KSR2: variants seen among roughly 807,000 people sequenced by gnomAD.
KSR2 encodes kinase suppressor of ras 2.
Under a neutral mutation model 107.8 loss-of-function variants are expected in KSR2, and 25 were observed. The ratio of observed to expected loss-of-function variants is 0.23; its 90% CI spans 0.17 to 0.32. KSR2 has a LOEUF of 0.32. Among genes scored for constraint, KSR2 ranks in the 10% least tolerant of loss-of-function variants. KSR2 has a pLI of 1.00. For missense variants in KSR2, 887 were observed against 1,268.9 expected, an observed-to-expected ratio of 0.70 and a Z score of 4.57; for synonymous variants, 480 against 507.0, an observed-to-expected ratio of 0.95 and a Z score of 0.71.
At chr12:117,832,737 C>T (rs1414360438) in intron 3 of KSR2, among the ~76,000 whole-genome samples, 1 of 152,250 alleles carries the variant, frequency 6.6e-6, no homozygotes, top group Admixed American at 6.5e-5. Flanking sequence ...TAAGTCATCT[C>T]ACTTCTCCCT....
chr12:117,653,565 T>C (rs1037321642), intron 5 of KSR2, among the ~76,000 whole-genome samples: 1 of 152,224 alleles, frequency 6.6e-6, no homozygotes, highest in South Asian at 2.1e-4. Flanking sequence ...ACGGGACTTA[T>C]TGGTGAGGCA....
chr12:117,939,941 A>AG (rs1491231211), intron 1 of KSR2, among the ~76,000 whole-genome samples: 9 of 102,578 alleles, frequency 8.8e-5, no homozygotes, highest in African/African-American at 2.8e-4. Context: ...ACTCCATCTT[A>AG]AAAACACACA....
intron 14 of KSR2, among the ~76,000 whole-genome samples, chr12:117,507,505 G>A (rs527318769): frequency 6.6e-6 from 1 of 152,300 alleles, no homozygotes; most frequent in Non-Finnish European, 1.5e-5. Flanking sequence ...GACTGGATGG[G>A]GAAGAAAGAG....
intron 1 of KSR2, among the ~76,000 whole-genome samples, chr12:117,914,245 AT>A (rs1172735359): frequency 2.6e-5 from 4 of 152,122 alleles, no homozygotes; most frequent in Admixed American, 6.5e-5. Flanking sequence ...CCTGGTCAAC[AT>A]GGTGAAACCC....
intron 4 of KSR2, among the ~76,000 whole-genome samples, chr12:117,740,687 A>G (rs893728088): frequency 2.1e-5 from 3 of 144,156 alleles, no homozygotes; most frequent in Non-Finnish European, 4.5e-5. Flanking sequence ...ATATACACAC[A>G]CATATACACC....
chr12:117,683,536 G>C (rs1593126987), intron 4 of KSR2, among the ~76,000 whole-genome samples: 1 of 152,278 alleles, frequency 6.6e-6, no homozygotes, highest in East Asian at 1.9e-4. Flanking sequence ...TATATTATAT[G>C]TCTATTGGAA....
chr12:117,493,295 A>T (rs1198548973), intron 14 of KSR2, among the ~76,000 whole-genome samples: 1 of 152,102 alleles, frequency 6.6e-6, no homozygotes, highest in African/African-American at 2.4e-5. Context: ...GATTGCTTCA[A>T]AATGCACAAT....
At chr12:117,518,169 C>T (rs150041880) in intron 14 of KSR2, among the ~76,000 whole-genome samples, 118 of 152,260 alleles carry the variant, frequency 7.7e-4, no homozygotes, top group Middle Eastern at 3.4e-3. Flanking sequence ...CAGTTAACCT[C>T]ACATAACTGA....
At chr12:117,616,428 G>A (rs927777583) in intron 5 of KSR2, among the ~76,000 whole-genome samples, 4 of 152,158 alleles carry the variant, frequency 2.6e-5, no homozygotes, top group Non-Finnish European at 5.9e-5. Flanking sequence ...TACAGAACTT[G>A]GGATGCTGGG....
chr12:117,479,326 A>G (rs1872002322), intron 16 of KSR2, among the ~76,000 whole-genome samples: 1 of 152,156 alleles, frequency 6.6e-6, no homozygotes, highest in African/African-American at 2.4e-5. Context: ...CACCTCCTGC[A>G]CTCCCAGGCT....
intron 4 of KSR2, among the ~76,000 whole-genome samples, chr12:117,760,257 G>A (rs1056171345): frequency 2.0e-5 from 3 of 152,074 alleles, no homozygotes; most frequent in Non-Finnish European, 2.9e-5. Context: ...CCTAATCCTC[G>A]AGTCTCACCC....
chr12:117,541,294 G>A lies in KSR2; in HGVS notation c.1519-1407C>T, dbSNP rs570959166. 7.4e-5 allele frequency among the ~76,000 whole-genome samples: 11 copies of A among 149,188 alleles called. No individual in the cohort carries two copies. The East Asian group carries it at 2.0e-3, about 27-fold the overall frequency. ...TGGAGGCATGGGAGGCAGGGAGGCA[G>A]GCAGGGAGGAACAGTAGCTGATGTG... On this transcript the variant is annotated intron_variant, in intron 9 of 19. Transcript: ENST00000339824.
At chr12:117,587,269 C>T (rs989149126) in intron 5 of KSR2, among the ~76,000 whole-genome samples, 4 of 152,066 alleles carry the variant, frequency 2.6e-5, no homozygotes, top group Admixed American at 6.6e-5. Flanking sequence ...GGAGAAGTTA[C>T]CCTGGATTAC....
chr12:117,505,254 T>C (rs1014671607), intron 14 of KSR2, among the ~76,000 whole-genome samples: 1 of 152,168 alleles, frequency 6.6e-6, no homozygotes, highest in South Asian at 2.1e-4. Flanking sequence ...CTCACCAACG[T>C]GGAAGCTATC....
At chr12:117,961,134 C>T (rs1896647210) in intron 1 of KSR2, among the ~76,000 whole-genome samples, 1 of 152,126 alleles carries the variant, frequency 6.6e-6, no homozygotes, top group Non-Finnish European at 1.5e-5. Context: ...AAACTTCATT[C>T]TCCATTTTCT....
At chr12:117,872,590 T>G (rs1333704211) in intron 1 of KSR2, among the ~76,000 whole-genome samples, 1 of 151,964 alleles carries the variant, frequency 6.6e-6, no homozygotes, top group Admixed American at 6.6e-5. Context: ...ATCAAATTTC[T>G]AGGCCCATCT....
At chr12:117,615,683 C>A (rs1223760482) in intron 5 of KSR2, among the ~76,000 whole-genome samples, 1 of 152,156 alleles carries the variant, frequency 6.6e-6, no homozygotes, top group Non-Finnish European at 1.5e-5. Flanking sequence ...GGAAGTGGAT[C>A]CTTTCGGCCT....
intron 5 of KSR2, among the ~76,000 whole-genome samples, chr12:117,601,940 A>AACTATTTTAG (rs555572072): frequency 6.9e-4 from 105 of 152,320 alleles, no homozygotes; most frequent in African/African-American, 2.2e-3. Context: ...GCCAGATAGT[A>AACTATTTTAG]ACTATTTTAG....
At chr12:117,547,965 T>C (rs572405352) in intron 9 of KSR2, among the ~76,000 whole-genome samples, 3 of 151,996 alleles carry the variant, frequency 2.0e-5, no homozygotes, top group Non-Finnish European at 4.4e-5. Flanking sequence ...GGCGTGGTGG[T>C]GGGTGCCTGT....
Sources: gnomAD v4.1 joint callset for allele counts (sites outside exome capture counted in the v4.1 genomes callset) on GRCh38, gnomAD v4.1.1 for gene constraint, MANE v1.5 for transcripts, NCBI Gene and HGNC (gene_info 2026-07-23, HGNC 2026-07-21) for gene names.